Variants in PAM observed in about 807,000 individuals in gnomAD.
The protein encoded by PAM is peptidylglycine alpha-amidating monooxygenase, also known as peptidyl-glycine alpha-amidating monooxygenase.
In PAM, 72 loss-of-function variants were observed where a neutral mutation model predicts 122.1. That is an observed-to-expected ratio of 0.59 (90% confidence interval 0.49 to 0.72). The LOEUF is 0.72. Ranked by LOEUF, PAM falls within the 30% of genes least tolerant of loss-of-function variation. PAM has a pLI of 0.00. For synonymous variants in PAM, 389 were observed against 404.4 expected (o/e 0.96, Z 0.46); for missense variants, 1,106 against 1,183.7 (o/e 0.93, Z 0.96).
intron 1 of PAM, among the ~76,000 whole-genome samples, chr5:102,813,310 A>G (rs1768538994): frequency 6.6e-6 from 1 of 152,242 alleles, no homozygotes; most frequent in Non-Finnish European, 1.5e-5. Flanking sequence ...GCAGACTTCA[A>G]AATCAGAAAC....
intron 14 of PAM, among the ~76,000 whole-genome samples, chr5:102,965,197 A>ACACACC (rs776180928): frequency 2.0e-5 from 3 of 150,064 alleles, no homozygotes; most frequent in South Asian, 2.1e-4. Context: ...ACACACACAC[A>ACACACC]CCTCACATAT....
chr5:102,917,532 A>G (rs115643906), intron 5 of PAM, among the ~76,000 whole-genome samples: 1 of 152,228 alleles, frequency 6.6e-6, no homozygotes, highest in African/African-American at 2.4e-5. Context: ...TGTTTTAAGG[A>G]AAGAAGAAAA....
intron 4 of PAM, among the ~76,000 whole-genome samples, chr5:102,909,957 T>C (rs528917409): frequency 6.6e-6 from 1 of 151,982 alleles, no homozygotes; most frequent in East Asian, 1.9e-4. Context: ...ACAGAATATT[T>C]TTTGGCTAAA....
At position 102,977,674 on chromosome 5, in the gene PAM, A is replaced by G. The variant is rs1203506956; in HGVS notation, c.1483+3238A>G. Among the ~76,000 whole-genome samples, 352 of 150,046 alleles carry G rather than the reference A, an allele frequency of 2.3e-3. 3 individuals are homozygous for G. Among genetic ancestry groups the G allele is most frequent in the African/African-American group, 8.6e-3 (344 of 40,144 alleles). ...TGCATGTGCGCACACACACACACACACACACACACACACACACACACACAC... is the reference window on the plus strand; with the variant it reads ...TGCATGTGCGCACACACACACACACGCACACACACACACACACACACACAC... On this transcript the variant is annotated intron_variant, in intron 15 of 25. Coordinates refer to ENST00000438793, the MANE Select transcript of PAM (RefSeq NM_001177306.2).
chr5:102,954,701 A>T (rs903664215), intron 12 of PAM, among the ~76,000 whole-genome samples: 2 of 152,052 alleles, frequency 1.3e-5, no homozygotes, highest in Non-Finnish European at 2.9e-5. Flanking sequence ...ATTCGTTTCA[A>T]ATGTTTAGTC....
chr5:102,874,508 T>C (rs1561715710), intron 3 of PAM, among the ~76,000 whole-genome samples: 1 of 152,126 alleles, frequency 6.6e-6, no homozygotes, highest in Non-Finnish European at 1.5e-5. Flanking sequence ...ATATCTGGGT[T>C]CAGAACTGCA....
At chr5:102,998,528 T>C (rs1052012213) in intron 16 of PAM, among the ~76,000 whole-genome samples, 11 of 152,196 alleles carry the variant, frequency 7.2e-5, no homozygotes, top group Non-Finnish European at 1.6e-4. Flanking sequence ...CAGTAACTTT[T>C]CATATTCCAC....
At chr5:102,766,208 T>C (rs1192069683) in intron 1 of PAM, among the ~76,000 whole-genome samples, 2 of 152,204 alleles carry the variant, frequency 1.3e-5, no homozygotes, top group Admixed American at 6.5e-5. Context: ...TCAAGTGCAT[T>C]ACATTTATTA....
chr5:102,776,828 T>A (rs1306639217), intron 1 of PAM, among the ~76,000 whole-genome samples: 2 of 152,106 alleles, frequency 1.3e-5, no homozygotes, highest in Non-Finnish European at 2.9e-5. Flanking sequence ...CATTTATAGT[T>A]CTCAGAAAAA....
intron 20 of PAM, among the ~76,000 whole-genome samples, chr5:103,008,414 T>A (rs2151090801): frequency 6.6e-6 from 1 of 152,218 alleles, no homozygotes; most frequent in Non-Finnish European, 1.5e-5. Flanking sequence ...TCACCTCACA[T>A]ACTTATGTTT....
chr5:102,999,436 G>A (rs1008341723), intron 16 of PAM, among the ~76,000 whole-genome samples: 3 of 152,224 alleles, frequency 2.0e-5, no homozygotes, highest in Non-Finnish European at 4.4e-5. Context: ...GGTGCAAGCC[G>A]TGGGTGGATC....
chr5:102,952,166 G>A (rs1002692305), intron 12 of PAM, among the ~76,000 whole-genome samples: 1 of 137,612 alleles, frequency 7.3e-6, no homozygotes, highest in Non-Finnish European at 1.6e-5. Context: ...CAAGTTTTAA[G>A]TGTGGGAAAA....
chr5:102,784,344 G>C (rs1374582787), intron 1 of PAM, among the ~76,000 whole-genome samples: 1 of 152,170 alleles, frequency 6.6e-6, no homozygotes, highest in East Asian at 1.9e-4. Flanking sequence ...TGGTGGGCTA[G>C]AATGCGCTTT....
intron 1 of PAM, among the ~76,000 whole-genome samples, chr5:102,768,423 T>G (rs903217867): frequency 1.3e-5 from 2 of 152,140 alleles, no homozygotes; most frequent in Non-Finnish European, 2.9e-5. Context: ...TGTTGTGCTA[T>G]CACGTACTAG....
chr5:102,850,477 G>A (rs1251815257), intron 1 of PAM, among the ~76,000 whole-genome samples: 1 of 152,112 alleles, frequency 6.6e-6, no homozygotes, highest in Admixed American at 6.5e-5. Flanking sequence ...CTAAATTTAA[G>A]TCCCTATTAG....
rs554879261 is a variant in PAM at position 103,029,637 on chromosome 5, T to C, written c.*572T>C. On this transcript the variant is annotated 3_prime_UTR_variant, in exon 26 of 26. Transcript: ENST00000438793. ...GTTGGTGTGTTTTTGGGATGTCTTA[T>C]TTTTAGATGGTTACACTGTTAGAAC... The C allele has an allele frequency of 6.5e-6, 1 of 152,766 alleles. No homozygotes were observed. Among genetic ancestry groups the C allele is most frequent in the African/African-American group, 2.4e-5 (1 of 41,588 alleles). The allele number at this position is 152,766 out of a possible 1,614,324, so 9.5% of individuals were successfully genotyped here.
At chr5:102,787,991 A>G (rs1218532325) in intron 1 of PAM, among the ~76,000 whole-genome samples, 1 of 152,140 alleles carries the variant, frequency 6.6e-6, no homozygotes, top group East Asian at 1.9e-4. Flanking sequence ...AAATAGTATC[A>G]TATCTGTGAA....
At position 102,865,925 on chromosome 5, in the gene PAM, G is replaced by A. The variant is rs1396513010; in HGVS notation, c.-271G>A. Reference sequence around the variant, plus strand: ...GCGTCTAGCCCCAGCGCCAGGGCACGCGAGCGGCGCTGGAGGGAGGAAAGC... The same window carrying A: ...GCGTCTAGCCCCAGCGCCAGGGCACACGAGCGGCGCTGGAGGGAGGAAAGC... On this transcript the variant is annotated 5_prime_UTR_variant, in exon 2 of 26. Transcript: ENST00000438793. 2.7e-6 allele frequency: 1 copy of A among 375,462 alleles called. No individual in the cohort carries two copies. The highest frequency in any genetic ancestry group is 2.1e-5 in the African/African-American group (1 of 46,802). The allele number at this position is 375,462 out of a possible 1,614,324, so 23.3% of individuals were successfully genotyped here.
intron 1 of PAM, among the ~76,000 whole-genome samples, chr5:102,839,246 C>T (rs1777910058): frequency 6.6e-6 from 1 of 151,936 alleles, no homozygotes; most frequent in Admixed American, 6.6e-5. Context: ...TTTCTTTTTC[C>T]CAAAATGTCA....
Sources: allele counts gnomAD v4.1 joint callset (sites outside exome capture counted in the v4.1 genomes callset), GRCh38; gene constraint gnomAD v4.1.1; transcripts MANE v1.5; gene names NCBI Gene and HGNC (gene_info 2026-07-23, HGNC 2026-07-21).